PDE8A: variants seen among roughly 807,000 people sequenced by gnomAD.
The protein encoded by PDE8A is high affinity cAMP-specific and IBMX-insensitive 3',5'-cyclic phosphodiesterase 8A.
PDE8A carries 59 observed loss-of-function variants against 105.0 expected under a neutral mutation model. The observed-to-expected ratio is 0.56, with a 90% CI of 0.46 to 0.70. The LOEUF is 0.70. Ranked by LOEUF, PDE8A falls within the 30% of genes least tolerant of loss-of-function variation. The probability of loss-of-function intolerance (pLI) is 0.00; values close to 1 mark genes in which losing one functional copy is unlikely to be tolerated. For synonymous variants in PDE8A, 355 were observed against 371.9 expected (o/e 0.95, Z 0.52); for missense variants, 1,014 against 1,045.9 (o/e 0.97, Z 0.42).
chr15:85,052,765 T>C (rs80064375), intron 1 of PDE8A, among the ~76,000 whole-genome samples: 70,022 of 151,464 alleles, frequency 0.46, 16,230 homozygotes, highest in Middle Eastern at 0.55. Context: ...TTCTCCCATT[T>C]TGTAGGTTGC....
intron 1 of PDE8A, among the ~76,000 whole-genome samples, chr15:85,041,428 C>T (rs1032198981): frequency 2.0e-5 from 3 of 152,202 alleles, no homozygotes; most frequent in African/African-American, 7.2e-5. Context: ...AGCAGCCCCA[C>T]AGAGGATGGT....
rs1239684022 is a variant in PDE8A at position 85,097,895 on chromosome 15, T to C, written c.853-53T>C. 3 of 1,010,220 alleles carry C rather than the reference T, an allele frequency of 3.0e-6. No homozygotes were observed. In the African/African-American group the frequency reaches 4.8e-5, roughly 16 times the overall value. 62.6% of individuals were successfully genotyped at this position (1,010,220 alleles called of 1,614,324 possible). On this transcript the variant is annotated intron_variant, in intron 8 of 21. Transcript: ENST00000394553. ...ATCAGAACTGAAGTGGAAAATGTTC[T>C]TGGGTTTATGTTTTCAACACAAAGT...
At chr15:85,108,800 T>C (rs960957972) in intron 11 of PDE8A, among the ~76,000 whole-genome samples, 3 of 152,218 alleles carry the variant, frequency 2.0e-5, no homozygotes, top group African/African-American at 4.8e-5. Context: ...TGTCACTTTA[T>C]GTCTTGGGAC....
chr15:85,109,451 A>C (rs1272744722), intron 12 of PDE8A, among the ~76,000 whole-genome samples: 1 of 152,236 alleles, frequency 6.6e-6, no homozygotes. Context: ...ATTCTTAAAG[A>C]TCTATCCCAT....
chr15:85,036,391 G>C (rs1005100982), intron 1 of PDE8A, among the ~76,000 whole-genome samples: 1 of 152,190 alleles, frequency 6.6e-6, no homozygotes, highest in Non-Finnish European at 1.5e-5. Context: ...AGTTGACCGT[G>C]TTAGAGACAT....
chr15:85,135,205 G>A (rs1158991053), intron 20 of PDE8A, among the ~76,000 whole-genome samples: 1 of 152,128 alleles, frequency 6.6e-6, no homozygotes, highest in African/African-American at 2.4e-5. Context: ...GGCCATTTGG[G>A]AGCTGGAAGT....
At chr15:85,019,943 G>GTTTTTTTTTTTTTTTTTTTTTTT (rs201634002) in intron 1 of PDE8A, among the ~76,000 whole-genome samples, 1 of 64,772 alleles carries the variant, frequency 1.5e-5, no homozygotes, top group Non-Finnish European at 2.7e-5. Context: ...TTTTTTTTTG[G>GTTTTTTTTTTTTTTTTTTTTTTT]TTTTTTTTTT....
chr15:85,001,871 C>T (rs1365223107), intron 1 of PDE8A, among the ~76,000 whole-genome samples: 2 of 152,176 alleles, frequency 1.3e-5, no homozygotes, highest in African/African-American at 2.4e-5. Flanking sequence ...CTGTTTACTG[C>T]ATACCAGGCA....
At chr15:85,095,868 ATATATATTTTTTT>A (rs1449493990) in intron 8 of PDE8A, among the ~76,000 whole-genome samples, 2 of 120,742 alleles carry the variant, frequency 1.7e-5, no homozygotes, top group African/African-American at 9.8e-5. Context: ...GAATATATAT[ATATATATTTTTTT>A]TATATATATA....
intron 15 of PDE8A, 69 bp from the exon 16 acceptor site, chr15:85,115,915 G>A (rs1382355874): frequency 5.1e-5 from 57 of 1,110,118 alleles, no homozygotes; most frequent in East Asian, 4.1e-4. Context: ...GTGAGATTCC[G>A]TCTCAAAAAA....
At chr15:85,049,074 C>T (rs2080931570) in intron 1 of PDE8A, among the ~76,000 whole-genome samples, 2 of 152,080 alleles carry the variant, frequency 1.3e-5, no homozygotes, top group East Asian at 1.9e-4. Context: ...TGCACTCTAG[C>T]CTGGGCGACA....
rs1040717236 is a variant in PDE8A at position 85,015,658 on chromosome 15, C to G, written c.186+33310C>G. 3.3e-5 allele frequency among the ~76,000 whole-genome samples: 5 copies of G among 152,270 alleles called. No homozygotes were observed. The South Asian group carries it at 8.3e-4, about 25-fold the overall frequency. ...GGTTTTTAGTTATCATTTTACTTCT[C>G]ATATCGTGATTGAGATTGAGCATCT... On this transcript the variant is annotated intron_variant, in intron 1 of 21. Coordinates refer to ENST00000394553, the MANE Select transcript of PDE8A (RefSeq NM_002605.3).
At chr15:85,006,040 A>G (rs1002726854) in intron 1 of PDE8A, among the ~76,000 whole-genome samples, 3 of 152,126 alleles carry the variant, frequency 2.0e-5, no homozygotes, top group African/African-American at 7.2e-5. Flanking sequence ...CAAATGACTC[A>G]GGAGAAGTAC....
chr15:85,089,239 T>C, intron 6 of PDE8A, 99 bp from the exon 7 acceptor site: 1 of 711,072 alleles, frequency 1.4e-6, no homozygotes, highest in Non-Finnish European at 2.4e-6. Context: ...CTCCCTTCCT[T>C]ATAAATCGGA....
intron 1 of PDE8A, among the ~76,000 whole-genome samples, chr15:84,992,980 A>G (rs957520377): frequency 2.0e-5 from 3 of 152,180 alleles, no homozygotes; most frequent in Admixed American, 6.5e-5. Context: ...ACTTACAGAA[A>G]CAGGTTCACT....
rs200682391 is a variant in PDE8A at position 85,120,781 on chromosome 15, G to C, written c.1735-16G>C. 1.3e-6 allele frequency: 2 copies of C among 1,561,472 alleles called. No individual in the cohort carries two copies. The highest frequency in any genetic ancestry group is 1.7e-6 in the Non-Finnish European group (2 of 1,147,090). On this transcript the variant is annotated splice_polypyrimidine_tract_variant and intron_variant, in intron 17 of 21. Transcript: ENST00000394553. ...CAGTGTCATACCCCAGTTTTTAAAA[G>C]CTCTCTTGTTTTCAGGAAACTTTAG...
intron 20 of PDE8A, among the ~76,000 whole-genome samples, chr15:85,135,057 T>G (rs996441292): frequency 6.6e-6 from 1 of 152,114 alleles, no homozygotes; most frequent in South Asian, 2.1e-4. Flanking sequence ...CTGGAGGGCC[T>G]GTGAGTGCAA....
intron 1 of PDE8A, among the ~76,000 whole-genome samples, chr15:85,018,807 G>C (rs963575753): frequency 1.3e-5 from 2 of 152,118 alleles, no homozygotes; most frequent in African/African-American, 4.8e-5. Context: ...TTGATTACTA[G>C]TAAGAATATT....
chr15:85,040,616 A>C (rs1171906034), intron 1 of PDE8A, among the ~76,000 whole-genome samples: 2 of 143,916 alleles, frequency 1.4e-5, no homozygotes, highest in African/African-American at 5.2e-5. Flanking sequence ...GCAGGAGTGC[A>C]GTGGTGCAAT....
Sources: gnomAD v4.1 joint callset for allele counts (sites outside exome capture counted in the v4.1 genomes callset) on GRCh38, gnomAD v4.1.1 for gene constraint, MANE v1.5 for transcripts, NCBI Gene and HGNC (gene_info 2026-07-23, HGNC 2026-07-21) for gene names.